The following SLC22A17 variants were observed in gnomAD, a reference collection of about 807,000 sequenced individuals.
SLC22A17 encodes solute carrier family 22 member 17.
A neutral mutation model predicts 53.6 loss-of-function variants in SLC22A17; 38 were observed. The ratio of observed to expected loss-of-function variants is 0.71; its 90% CI spans 0.55 to 0.93. SLC22A17 has a LOEUF of 0.93. Ranked by LOEUF, SLC22A17 falls within the 40% of genes least tolerant of loss-of-function variation. The pLI is 0.00. For synonymous variants in SLC22A17, 379 were observed against 353.0 expected (o/e 1.07, Z -0.82); for missense variants, 704 against 791.0 (o/e 0.89, Z 1.32).
At chr14:23,346,826 G>T (rs1264580480) in exon 10 of SLC22A17, 2 of 1,540,484 alleles carry the variant, frequency 1.3e-6, no homozygotes, top group African/African-American at 1.4e-5. Flanking sequence ...GGCGCAGGCC[G>T]CCAGCACCAC....
Position 23,352,695 on chromosome 14 carries a change from C to A in SLC22A17, c.47G>T (p.Gly16Val). The change falls in exon 1 of 10, where the codon GGC (glycine) becomes GTC (valine). Residue 16 changes from glycine (G) to valine (V), a missense_variant. Coordinates refer to ENST00000397267, the Ensembl canonical transcript of SLC22A17. This position sits in a 1 kb window ranked among gnomAD's most constrained non-coding sequence, Gnocchi z 7.2. ...TACAGTGTTGTCGATTTTGCCGCCG[C>A]CCCCGCCATTGGGCTCGGGGGTCCC... The A allele has an allele frequency of 2.5e-6, 1 of 398,826 alleles. No homozygotes were observed. The highest frequency in any genetic ancestry group is 4.4e-6 in the Non-Finnish European group (1 of 226,022). The allele number at this position is 398,826 out of a possible 1,614,324, so 24.7% of individuals were successfully genotyped here. A position where few individuals can be genotyped will look rare whatever the true frequency, so the allele number is the denominator to read the frequency against.
At chr14:23,346,837 G>C in exon 10 of SLC22A17, 6 of 1,540,212 alleles carry the variant, frequency 3.9e-6, no homozygotes, top group Non-Finnish European at 5.2e-6. Flanking sequence ...CCAGCACCAC[G>C]TGCTGCAGGA....
At chr14:23,349,690 T>A in intron 3 of SLC22A17, 1 of 536,756 alleles carries the variant, frequency 1.9e-6, no homozygotes, top group East Asian at 3.2e-5. Flanking sequence ...AGGGCACTTG[T>A]CAATGGATGT....
rs1595016038 is a variant in SLC22A17 at position 23,352,307 on chromosome 14, C to G, written c.241G>C (p.Glu81Gln). Reference sequence around the variant, plus strand: ...GCCCCCACCTGGGCGAGCAGCGCCTCAAAGCTGAGGGGGCCTGGGGGCACG... The same window carrying G: ...GCCCCCACCTGGGCGAGCAGCGCCTGAAAGCTGAGGGGGCCTGGGGGCACG... The change falls in exon 2 of 10, where the codon GAG (glutamate) becomes CAG (glutamine). Residue 81 changes from glutamate (E) to glutamine (Q), a missense_variant. Transcript: ENST00000397267. The surrounding 1 kb of genome is among the most constrained non-coding windows in gnomAD (Gnocchi z 7.2). 1.5e-6 allele frequency: 2 copies of G among 1,374,620 alleles called. No individual in the cohort carries two copies. The highest frequency in any genetic ancestry group is 1.6e-5 in the South Asian group (1 of 62,792). The allele number at this position is 1,374,620 out of a possible 1,614,324, so 85.2% of individuals were successfully genotyped here. A position where few individuals can be genotyped will look rare whatever the true frequency, so the allele number is the denominator to read the frequency against.
In SLC22A17 at chr14:23,348,266, C is replaced by G; in HGVS notation, c.1066G>C (p.Val356Leu). 1 of 1,614,140 alleles carries G rather than the reference C, an allele frequency of 6.2e-7. No homozygotes were observed. Among genetic ancestry groups the G allele is most frequent in the Non-Finnish European group, 8.5e-7 (1 of 1,180,000 alleles). Residue 356 changes from valine (V) to leucine (L), a missense_variant, in exon 6 of 10, where the codon GTG becomes CTG. Physicochemically the swap from Val to Leu is conservative, Grantham distance 32 (BLOSUM62 1). Coordinates refer to ENST00000397267, the Ensembl canonical transcript of SLC22A17. This position sits in a 1 kb window ranked among gnomAD's most constrained non-coding sequence, Gnocchi z 4.5. ...TGAGCCTCCTCAATCTGCCGCTTCA[C>G]TATCAGCCACCGTGCGGACTCCAGG...
Position 23,347,437 on chromosome 14 carries a change from A to G in SLC22A17, c.1549+23T>C. Reference sequence around the variant, plus strand: ...TCTTGGGAGGCCTGTGCCAGAAGAAATGGCTGTGCCTGTCTGAAGCACCTC... The same window carrying G: ...TCTTGGGAGGCCTGTGCCAGAAGAAGTGGCTGTGCCTGTCTGAAGCACCTC... On this transcript the variant is annotated intron_variant, in intron 8 of 9. Transcript: ENST00000397267. The surrounding 1 kb of genome is among the most constrained non-coding windows in gnomAD (Gnocchi z 5.1). The G allele has an allele frequency of 6.2e-7, 1 of 1,607,676 alleles. No individual in the cohort carries two copies. Among genetic ancestry groups the G allele is most frequent in the Non-Finnish European group, 8.5e-7 (1 of 1,176,064 alleles).
At position 23,348,528 on chromosome 14, in the gene SLC22A17, A is replaced by G. The variant is rs1889393828; in HGVS notation, c.1003T>C (p.Cys335Arg). 6.2e-7 allele frequency: 1 copy of G among 1,614,030 alleles called. No homozygotes were observed. The highest frequency in any genetic ancestry group is 8.5e-7 in the Non-Finnish European group (1 of 1,179,948). ...GACCCATAAAACAGGAAGAGGATGC[A>G]GGGAGCGGTGATCATTCGCTGTAGG... Residue 335 changes from cysteine (C) to arginine (R), a missense_variant, in exon 5 of 10, where the codon TGC (cysteine) becomes CGC (arginine). Cys to Arg is a radical substitution (Grantham distance 180). Around this residue, in one of 4 missense-constraint regions of SLC22A17, gnomAD observed 435 missense variants for 529.0 expected, o/e 0.82. Coordinates refer to ENST00000397267, the Ensembl canonical transcript of SLC22A17. The surrounding 1 kb of genome is among the most constrained non-coding windows in gnomAD (Gnocchi z 4.5).
At position 23,352,530 on chromosome 14, in the gene SLC22A17, G is replaced by C. The variant is rs989360109; in HGVS notation, c.97-79C>G. The C allele has an allele frequency of 2.3e-6, 1 of 428,350 alleles. No homozygotes were observed. Among genetic ancestry groups the C allele is most frequent in the African/African-American group, 2.1e-5 (1 of 48,742 alleles). 26.5% of individuals were successfully genotyped at this position (428,350 alleles called of 1,614,324 possible). A position where few individuals can be genotyped will look rare whatever the true frequency, so the allele number is the denominator to read the frequency against. The stretch of plus-strand genomic sequence containing the variant: ...GCAAGGGCAGGGGGCAGGTGGGAGG[G>C]AGGGCTAGGAAGGCAGTCAGGGGCG... On this transcript the variant is annotated intron_variant, in intron 1 of 9. Coordinates refer to ENST00000397267, the Ensembl canonical transcript of SLC22A17. The surrounding 1 kb of genome is among the most constrained non-coding windows in gnomAD (Gnocchi z 7.2).
In SLC22A17 at chr14:23,347,080, T is replaced by C; in HGVS notation, c.1661+21A>G. 1.2e-6 allele frequency: 2 copies of C among 1,601,650 alleles called. No homozygotes were observed. Among genetic ancestry groups the C allele is most frequent in the Non-Finnish European group, 1.7e-6 (2 of 1,173,606 alleles). On this transcript the variant is annotated intron_variant, in intron 9 of 9. Coordinates refer to ENST00000397267, the Ensembl canonical transcript of SLC22A17. The surrounding 1 kb of genome is among the most constrained non-coding windows in gnomAD (Gnocchi z 5.1). ...AGGCGAGGGGGCCCGGCTCTGCCCC[T>C]GGGGGCACCCCTGCTCTCACCGGAC...
exon 10 of SLC22A17, chr14:23,346,573 C>G: frequency 7.0e-7 from 1 of 1,423,474 alleles, no homozygotes; most frequent in Non-Finnish European, 9.2e-7. Context: ...GCCCTGCCTT[C>G]CCTACTCAGT....
rs1213957585 is a variant in SLC22A17, at chr14:23,348,106, G to A, written c.1171+55C>T. On this transcript the variant is annotated intron_variant, in intron 6 of 9. Coordinates refer to ENST00000397267, the Ensembl canonical transcript of SLC22A17. This position sits in a 1 kb window ranked among gnomAD's most constrained non-coding sequence, Gnocchi z 4.5. The stretch of plus-strand genomic sequence containing the variant: ...GGTGGCACAGCTACAGCCATGCAGA[G>A]GGCACCATCATGTGTGCAAGTGAGG... 1.8e-5 allele frequency: 29 copies of A among 1,609,940 alleles called. No individual in the cohort carries two copies. In the East Asian group the frequency reaches 6.5e-4, roughly 36 times the overall value.
At chr14:23,346,997 GC>G in intron 9 of SLC22A17, 61 bp from the exon 10 acceptor site, 1 of 1,495,202 alleles carries the variant, frequency 6.7e-7, no homozygotes, top group Non-Finnish European at 8.9e-7. Flanking sequence ...CCCTTCTCCC[GC>G]AGCCCCCCTC....
intron 3 of SLC22A17, 24 bp from the exon 4 acceptor site, chr14:23,349,450 G>T (rs746795330): frequency 2.5e-5 from 40 of 1,602,704 alleles, no homozygotes; most frequent in Non-Finnish European, 3.2e-5. Context: ...AGGGCTTCTG[G>T]TCACCCAGAC....
At position 23,348,314 on chromosome 14, in the gene SLC22A17, C is replaced by T. The variant is rs200450181; in HGVS notation, c.1026-8G>A. On this transcript the variant is annotated splice_polypyrimidine_tract_variant and splice_region_variant and intron_variant, in intron 5 of 9. Coordinates refer to ENST00000397267, the Ensembl canonical transcript of SLC22A17. The surrounding 1 kb of genome is among the most constrained non-coding windows in gnomAD (Gnocchi z 4.5). ...AGGAACAAACCAGGCCAGCTGGGGG[C>T]AGGGGGGAAGGGGTATACTGTGAGG... 15 of 1,613,794 alleles carry T rather than the reference C, an allele frequency of 9.3e-6. No homozygotes were observed. In the Admixed American group the frequency reaches 1.7e-4, roughly 18 times the overall value.
chr14:23,347,910 G>A lies in SLC22A17; in HGVS notation c.1258C>T (p.Leu420Phe). 1 of 1,614,188 alleles carries A rather than the reference G, an allele frequency of 6.2e-7. No individual in the cohort carries two copies. The highest frequency in any genetic ancestry group is 8.5e-7 in the Non-Finnish European group (1 of 1,180,010). The change falls in exon 7 of 10, where the codon CTT (leucine) becomes TTT (phenylalanine). Residue 420 changes from leucine to phenylalanine, a missense_variant. Physicochemically the swap from Leu to Phe is conservative, Grantham distance 22 (BLOSUM62 0). Around this residue, in one of 4 missense-constraint regions of SLC22A17, gnomAD observed 435 missense variants for 529.0 expected, o/e 0.82. Transcript: ENST00000397267. The surrounding 1 kb of genome is among the most constrained non-coding windows in gnomAD (Gnocchi z 5.1). ...GCTCACTTGGTGAAGCCCAGGATAAGCAGATTTTTCCAGATGTTGCGGTAG... is the reference window on the plus strand; with the variant it reads ...GCTCACTTGGTGAAGCCCAGGATAAACAGATTTTTCCAGATGTTGCGGTAG...
chr14:23,348,114 T>C lies in SLC22A17; in HGVS notation c.1171+47A>G. 8 of 1,610,912 alleles carry C rather than the reference T, an allele frequency of 5.0e-6. No homozygotes were observed. Among genetic ancestry groups the C allele is most frequent in the Non-Finnish European group, 5.9e-6 (7 of 1,177,668 alleles). ...AGCTACAGCCATGCAGAGGGCACCA[T>C]CATGTGTGCAAGTGAGGCAACACTC... On this transcript the variant is annotated intron_variant, in intron 6 of 9. Coordinates refer to ENST00000397267, the Ensembl canonical transcript of SLC22A17. The surrounding 1 kb of genome is among the most constrained non-coding windows in gnomAD (Gnocchi z 4.5).
rs116634821 is a variant in SLC22A17 at position 23,347,876 on chromosome 14, G to A, written c.1277+15C>T. On this transcript the variant is annotated intron_variant, in intron 7 of 9. Transcript: ENST00000397267. This position sits in a 1 kb window ranked among gnomAD's most constrained non-coding sequence, Gnocchi z 5.1. ...AGCTACTGGCCTGGCCCTCAGCCCA[G>A]ACACCCAGGCTCACTTGGTGAAGCC... 910 of 1,613,988 alleles carry A rather than the reference G, an allele frequency of 5.6e-4. 5 individuals are homozygous for A. In the African/African-American group the frequency reaches 0.011, roughly 19 times the overall value.
rs375667142 is a variant in SLC22A17, at chr14:23,351,736, C to T, written c.704+16G>A. On this transcript the variant is annotated intron_variant, in intron 3 of 9. Coordinates refer to ENST00000397267, the Ensembl canonical transcript of SLC22A17. ...CCCCTCCTTTCTACCAGCCCTGCCCCCACGACAGCCCTCACCTGTCTGCGG... is the reference window on the plus strand; with the variant it reads ...CCCCTCCTTTCTACCAGCCCTGCCCTCACGACAGCCCTCACCTGTCTGCGG... 1.2e-6 allele frequency: 2 copies of T among 1,607,204 alleles called. No individual in the cohort carries two copies. The highest frequency in any genetic ancestry group is 3.5e-5 in the Admixed American group (2 of 57,732).
At chr14:23,349,314 C>T (rs767017669) in exon 4 of SLC22A17, 1 of 1,614,022 alleles carries the variant, frequency 6.2e-7, no homozygotes, top group Non-Finnish European at 8.5e-7. Flanking sequence ...AGCAGAAAGC[C>T]CAAGAGGAAT....
Sources: gnomAD v4.1 joint callset for allele counts on GRCh38, gnomAD v4.1.1 for gene constraint, gnomAD v4.1.1 regional missense constraint, Gnocchi (gnomAD v3.1) non-coding constraint, MANE v1.5 for transcripts, NCBI Gene and HGNC (gene_info 2026-07-23, HGNC 2026-07-21) for gene names.